The following FRMD4A variants were observed in gnomAD, a reference collection of about 807,000 sequenced individuals.
FRMD4A encodes FERM domain containing 4A.
A neutral mutation model predicts 129.1 loss-of-function variants in FRMD4A; 29 were observed. The ratio of observed to expected loss-of-function variants is 0.22; its 90% CI spans 0.17 to 0.31. The LOEUF (loss-of-function observed/expected upper bound fraction) is 0.31. Among genes scored for constraint, FRMD4A ranks in the 10% least tolerant of loss-of-function variants. FRMD4A has a pLI of 1.00. For missense variants in FRMD4A, 1,272 were observed against 1,375.8 expected, an observed-to-expected ratio of 0.92 and a Z score of 1.19; for synonymous variants, 634 against 571.6, an observed-to-expected ratio of 1.11 and a Z score of -1.56.
chr10:14,105,304 G>C (rs1333159703), intron 2 of FRMD4A, among the ~76,000 whole-genome samples: 2 of 152,150 alleles, frequency 1.3e-5, no homozygotes, highest in Non-Finnish European at 2.9e-5. Context: ...GGCGCATCAT[G>C]CCTGTAATCC....
At chr10:14,330,238 G>T in intron 1 of FRMD4A, 55 bp from the exon 2 acceptor site, 1 of 804,132 alleles carries the variant, frequency 1.2e-6, no homozygotes, top group Admixed American at 2.0e-5. Context: ...TCAAGGGGAA[G>T]ATAGGCCACC....
intron 2 of FRMD4A, among the ~76,000 whole-genome samples, chr10:14,076,730 T>G (rs745881660): frequency 1.3e-5 from 2 of 152,196 alleles, no homozygotes; most frequent in Non-Finnish European, 2.9e-5. Flanking sequence ...TCCAGGCATT[T>G]CCCTTTTTCT....
intron 2 of FRMD4A, among the ~76,000 whole-genome samples, chr10:14,277,896 GC>G (rs1249774806): frequency 6.6e-6 from 1 of 152,208 alleles, no homozygotes; most frequent in Non-Finnish European, 1.5e-5. Context: ...TCCCTTTAAT[GC>G]ACACTACAGT....
chr10:14,116,390 C>T (rs995234208), intron 2 of FRMD4A, among the ~76,000 whole-genome samples: 7 of 152,162 alleles, frequency 4.6e-5, no homozygotes, highest in African/African-American at 1.7e-4. Flanking sequence ...ACATTGAGCC[C>T]ATTGGAATGG....
chr10:14,330,636 G>A lies in FRMD4A; in HGVS notation c.-121C>T, dbSNP rs1843484149. On this transcript the variant is annotated 5_prime_UTR_variant, in exon 1 of 25. Transcript: ENST00000357447. ...TCAGTGTCTTCTTTGCTGCAGATAG[G>A]TGTGTCCCTTTTTGCAAAATCAGAT... is the stretch of plus-strand genomic sequence containing the variant. 1 of 397,912 alleles carries A rather than the reference G, an allele frequency of 2.5e-6. No individual in the cohort carries two copies. The highest frequency in any genetic ancestry group is 2.1e-5 in the African/African-American group (1 of 48,582). The allele number at this position is 397,912 out of a possible 1,614,324, so 24.6% of individuals were successfully genotyped here.
At chr10:14,321,092 G>A (rs928616769) in intron 2 of FRMD4A, among the ~76,000 whole-genome samples, 2 of 152,096 alleles carry the variant, frequency 1.3e-5, no homozygotes, top group African/African-American at 4.8e-5. Context: ...TCCCAGGAGA[G>A]TGTAAGCTTG....
chr10:13,910,086 A>G (rs563019639), intron 2 of FRMD4A, among the ~76,000 whole-genome samples: 12 of 152,360 alleles, frequency 7.9e-5, no homozygotes, highest in African/African-American at 2.9e-4. Flanking sequence ...ACGGCTTTGT[A>G]ATGTGACTGT....
chr10:13,676,615 G>A (rs1388419067), intron 15 of FRMD4A, among the ~76,000 whole-genome samples: 1 of 152,100 alleles, frequency 6.6e-6, no homozygotes, highest in Non-Finnish European at 1.5e-5. Flanking sequence ...GAGCAGAAGT[G>A]TTAGAAACGG....
intron 2 of FRMD4A, among the ~76,000 whole-genome samples, chr10:14,145,206 G>C (rs990253685): frequency 1.8e-4 from 27 of 152,156 alleles, no homozygotes; most frequent in African/African-American, 6.5e-4. Flanking sequence ...AAGTAAGCAA[G>C]AAAGCCCCAG....
At chr10:13,803,180 T>C (rs2093292129) in intron 4 of FRMD4A, among the ~76,000 whole-genome samples, 1 of 148,710 alleles carries the variant, frequency 6.7e-6, no homozygotes, top group Non-Finnish European at 1.5e-5. Flanking sequence ...AGACCAGTGA[T>C]ACTGATTTCA....
chr10:13,882,352 C>T (rs959216012), intron 2 of FRMD4A, among the ~76,000 whole-genome samples: 4 of 152,088 alleles, frequency 2.6e-5, no homozygotes, highest in Admixed American at 6.5e-5. Flanking sequence ...CAGCTGACTC[C>T]GAGCAACGCA....
chr10:14,031,663 G>A (rs1833251356), intron 2 of FRMD4A, among the ~76,000 whole-genome samples: 1 of 152,204 alleles, frequency 6.6e-6, no homozygotes, highest in Non-Finnish European at 1.5e-5. Context: ...ATGAGCTCTA[G>A]GCGAAGCTCT....
intron 2 of FRMD4A, among the ~76,000 whole-genome samples, chr10:14,259,634 A>AACC (rs1844731538): frequency 6.6e-6 from 1 of 152,196 alleles, no homozygotes; most frequent in Admixed American, 6.5e-5. Flanking sequence ...TTTAAACATC[A>AACC]ACCACAAATT....
At chr10:13,823,584 A>ATT (rs199738158) in intron 3 of FRMD4A, among the ~76,000 whole-genome samples, 5 of 152,030 alleles carry the variant, frequency 3.3e-5, no homozygotes, top group Admixed American at 3.3e-4. Context: ...TGCCACTTCC[A>ATT]TTTTTTTGTT....
intron 2 of FRMD4A, among the ~76,000 whole-genome samples, chr10:13,999,470 T>C (rs1056296139): frequency 1.3e-5 from 2 of 152,216 alleles, no homozygotes; most frequent in Admixed American, 1.3e-4. Context: ...CTAGCAATGA[T>C]CAATATACTT....
chr10:14,100,634 A>G (rs192287178), intron 2 of FRMD4A, among the ~76,000 whole-genome samples: 9 of 152,276 alleles, frequency 5.9e-5, no homozygotes, highest in East Asian at 3.9e-4. Context: ...GTGAATCAAT[A>G]TGAGAAAAGC....
intron 3 of FRMD4A, among the ~76,000 whole-genome samples, chr10:13,831,367 G>T (rs1422115554): frequency 2.0e-5 from 3 of 152,172 alleles, no homozygotes; most frequent in Non-Finnish European, 4.4e-5. Flanking sequence ...AGGATTGCTT[G>T]AGCGTAGGAG....
chr10:14,209,463 G>A (rs183573978), intron 2 of FRMD4A, among the ~76,000 whole-genome samples: 1 of 152,234 alleles, frequency 6.6e-6, no homozygotes. Flanking sequence ...CATAAGGAAA[G>A]TGGTGGGCAT....
chr10:13,683,232 C>T (rs575779207), intron 15 of FRMD4A, among the ~76,000 whole-genome samples: 1 of 152,172 alleles, frequency 6.6e-6, no homozygotes, highest in East Asian at 1.9e-4. Flanking sequence ...GGGAGAGACA[C>T]GAACAGCAGA....
Sources: gnomAD v4.1 joint callset for allele counts (sites outside exome capture counted in the v4.1 genomes callset) on GRCh38, gnomAD v4.1.1 for gene constraint, MANE v1.5 for transcripts, NCBI Gene and HGNC (gene_info 2026-07-23, HGNC 2026-07-21) for gene names.